KMT2C: variants seen among roughly 807,000 people sequenced by gnomAD.
KMT2C encodes the protein histone-lysine N-methyltransferase 2C.
A neutral mutation model predicts 507.9 loss-of-function variants in KMT2C; 88 were observed. The observed-to-expected ratio is 0.17, with a 90% CI of 0.15 to 0.21. KMT2C has a LOEUF of 0.21. Ranked by LOEUF, KMT2C falls within the 10% of genes least tolerant of loss-of-function variation. KMT2C has a pLI of 1.00. For synonymous variants in KMT2C, 2,049 were observed against 2,080.8 expected, an observed-to-expected ratio of 0.98 and a Z score of 0.42; for missense variants, 4,954 against 5,957.8, an observed-to-expected ratio of 0.83 and a Z score of 5.55.
intron 2 of KMT2C, among the ~76,000 whole-genome samples, chr7:152,334,453 A>C (rs752409933): frequency 6.6e-5 from 10 of 152,182 alleles, no homozygotes; most frequent in Non-Finnish European, 1.3e-4. Flanking sequence ...ACTCCGTCTC[A>C]AAAAAAGAAA....
intron 55 of KMT2C, 83 bp from the exon 56 acceptor site, chr7:152,139,874 G>T: frequency 2.2e-6 from 2 of 901,886 alleles, no homozygotes; most frequent in Non-Finnish European, 3.5e-6. Flanking sequence ...TCACCCTCGG[G>T]TCTTATTAGA....
intron 6 of KMT2C, among the ~76,000 whole-genome samples, chr7:152,299,355 G>T (rs2096545680): frequency 1.5e-5 from 2 of 136,664 alleles, no homozygotes; most frequent in African/African-American, 6.2e-5. Context: ...AATAAATAAA[G>T]TAAAAGAATC....
At position 152,187,719 on chromosome 7, in the gene KMT2C, C is replaced by G. The variant is rs1217945391; in HGVS notation, c.4789G>C (p.Ala1597Pro). 9 of 1,612,578 alleles carry G rather than the reference C, an allele frequency of 5.6e-6. No individual in the cohort carries two copies. Among genetic ancestry groups the G allele is most frequent in the Non-Finnish European group, 7.6e-6 (9 of 1,179,682 alleles). ...CATAGAAAATAAGGCTTGTACCTGGCATCAGGATAAGAGGATTGTGCAATT... is the reference window on the plus strand; with the variant it reads ...CATAGAAAATAAGGCTTGTACCTGGGATCAGGATAAGAGGATTGTGCAATT... ...SAIAQSSYPDARDKNSAFNPM... is the reference protein window; with the variant it reads ...SAIAQSSYPDPRDKNSAFNPM... The change falls in exon 32 of 59, where the codon GCC becomes CCC. Residue 1597 changes from alanine (A) to proline (P), a missense_variant. This residue lies in a region of KMT2C where 195 missense variants were observed against 183.7 expected (regional missense o/e 1.06). Coordinates refer to ENST00000262189, the MANE Select transcript of KMT2C (RefSeq NM_170606.3).
At chr7:152,377,381 C>A (rs115170425) in intron 1 of KMT2C, among the ~76,000 whole-genome samples, 5,204 of 152,266 alleles carry the variant, frequency 0.034, 218 homozygotes, top group African/African-American at 0.097. Context: ...CAGTACGATA[C>A]ATCTATCCTG....
intron 6 of KMT2C, among the ~76,000 whole-genome samples, chr7:152,294,006 G>A (rs960994138): frequency 1.9e-4 from 29 of 148,912 alleles, no homozygotes; most frequent in African/African-American, 6.7e-4. Context: ...CTACAGGTGT[G>A]CACCACCACA....
chr7:152,278,226 T>G (rs565022812), intron 6 of KMT2C, among the ~76,000 whole-genome samples: 7 of 152,272 alleles, frequency 4.6e-5, no homozygotes, highest in South Asian at 4.1e-4. Context: ...TCTGGCTATG[T>G]GAGATGCCTG....
chr7:152,172,354 A>G (rs1167050945), intron 39 of KMT2C, among the ~76,000 whole-genome samples: 3 of 152,206 alleles, frequency 2.0e-5, no homozygotes, highest in Non-Finnish European at 2.9e-5. Context: ...CATGATGCTA[A>G]AAGAGCATCA....
At chr7:152,187,220 T>A (rs2129124402) in intron 33 of KMT2C, 42 bp downstream of exon 33, 2 of 1,539,894 alleles carry the variant, frequency 1.3e-6, no homozygotes, top group Non-Finnish European at 1.8e-6. Context: ...ATTGCACATG[T>A]GAAAATGTTG....
chr7:152,311,705 G>T lies in KMT2C; in HGVS notation c.739+93C>A, dbSNP rs1325340194. The T allele has an allele frequency of 2.4e-5, 21 of 858,512 alleles. No individual in the cohort carries two copies. In the South Asian group the frequency reaches 4.6e-4, roughly 19 times the overall value. The allele number at this position is 858,512 out of a possible 1,614,324, so 53.2% of individuals were successfully genotyped here. ...AGTATGATTATAATTATTTCTAGAT[G>T]AAAGGTATTTATTATTGAGGACATT... On this transcript the variant is annotated intron_variant, in intron 5 of 58. Coordinates refer to ENST00000262189, the MANE Select transcript of KMT2C (RefSeq NM_170606.3).
At chr7:152,147,371 T>C (rs891182701) in intron 52 of KMT2C, among the ~76,000 whole-genome samples, 1 of 152,044 alleles carries the variant, frequency 6.6e-6, no homozygotes, top group African/African-American at 2.4e-5. Flanking sequence ...TCCTGCCTTC[T>C]AGAAACTGAC....
At chr7:152,334,972 C>T (rs1267294419) in intron 2 of KMT2C, among the ~76,000 whole-genome samples, 1 of 152,106 alleles carries the variant, frequency 6.6e-6, no homozygotes, top group Non-Finnish European at 1.5e-5. Flanking sequence ...TGAAGAATTG[C>T]CGTAACAAAA....
Position 152,311,785 on chromosome 7 carries a change from A to C in KMT2C, c.739+13T>G. On this transcript the variant is annotated intron_variant, in intron 5 of 58. Coordinates refer to ENST00000262189, the MANE Select transcript of KMT2C (RefSeq NM_170606.3). ...GAATTAAGAGGCAGTCATTATTGAA[A>C]ACATGCCCATACCTGTAGAATCAAA... The C allele has an allele frequency of 6.4e-7, 1 of 1,560,060 alleles. No homozygotes were observed. The highest frequency in any genetic ancestry group is 8.7e-7 in the Non-Finnish European group (1 of 1,146,114).
intron 3 of KMT2C, among the ~76,000 whole-genome samples, chr7:152,323,030 G>T (rs1216772484): frequency 6.6e-6 from 1 of 151,668 alleles, no homozygotes; most frequent in African/African-American, 2.4e-5. Flanking sequence ...TGAAAGATAA[G>T]TATTGCCAAG....
chr7:152,287,319 C>A (rs149611286), intron 6 of KMT2C, among the ~76,000 whole-genome samples: 7 of 152,332 alleles, frequency 4.6e-5, no homozygotes, highest in African/African-American at 7.2e-5. Flanking sequence ...AAAGCAGGAA[C>A]CTTTTGAGCC....
intron 15 of KMT2C, among the ~76,000 whole-genome samples, chr7:152,237,105 T>C (rs1445665255): frequency 6.6e-6 from 1 of 152,138 alleles, no homozygotes; most frequent in African/African-American, 2.4e-5. Flanking sequence ...ACCTGGCACC[T>C]CCCTAAGTAG....
intron 23 of KMT2C, among the ~76,000 whole-genome samples, chr7:152,213,750 T>TAAAAAAA (rs922863914): frequency 1.3e-5 from 1 of 76,330 alleles, no homozygotes; most frequent in East Asian, 3.6e-4. Flanking sequence ...TGCATAGCAA[T>TAAAAAAA]AAAAAAAAAA....
chr7:152,179,639 T>C (rs2093357409), intron 37 of KMT2C, among the ~76,000 whole-genome samples, 195 bp downstream of exon 37: 1 of 140,718 alleles, frequency 7.1e-6, no homozygotes, highest in African/African-American at 2.7e-5. Context: ...TTAAAAAATT[T>C]TTAAATTTGT....
chr7:152,221,380 GATCT>G (rs2129146213), intron 22 of KMT2C, among the ~76,000 whole-genome samples: 1 of 152,294 alleles, frequency 6.6e-6, no homozygotes, highest in African/African-American at 2.4e-5. Context: ...AAAAGGCAGG[GATCT>G]ATTTACGTAA....
At chr7:152,328,295 T>C (rs1454946214) in intron 3 of KMT2C, among the ~76,000 whole-genome samples, 1 of 152,180 alleles carries the variant, frequency 6.6e-6, no homozygotes, top group Non-Finnish European at 1.5e-5. Flanking sequence ...TTGATTCACA[T>C]TGTATGTTCT....
Sources: allele counts gnomAD v4.1 joint callset (sites outside exome capture counted in the v4.1 genomes callset), GRCh38; gene constraint gnomAD v4.1.1; regional missense constraint gnomAD v4.1.1; transcripts MANE v1.5; gene names NCBI Gene and HGNC (gene_info 2026-07-23, HGNC 2026-07-21).